The following BLTP1 variants were observed in gnomAD, a reference collection of about 807,000 sequenced individuals.
BLTP1 encodes the protein bridge-like lipid transfer protein family member 1.
the BLTP1 span, chr4:122,254,017 A>G: frequency 5.9e-6 from 1 of 169,426 alleles, no homozygotes; most frequent in African/African-American, 2.4e-5. Flanking sequence ...TGCTGAAGGA[A>G]AAACACTTTT....
the BLTP1 span, chr4:122,184,814 T>C: frequency 2.0e-6 from 2 of 985,276 alleles, no homozygotes; most frequent in Non-Finnish European, 2.4e-6. Flanking sequence ...TCTCAGAATA[T>C]TGTATGACAA....
chr4:122,255,061 C>T, the BLTP1 span: 1 of 1,515,042 alleles, frequency 6.6e-7, no homozygotes, highest in Non-Finnish European at 9.0e-7. Context: ...TTCTTAATTA[C>T]TGAATGTCTT....
the BLTP1 span, chr4:122,293,240 A>G: frequency 1.1e-6 from 1 of 910,232 alleles, no homozygotes; most frequent in Non-Finnish European, 1.3e-6. Flanking sequence ...ACACAAAAGT[A>G]GGACGGTAGA....
At chr4:122,219,062 A>G in the BLTP1 span, 670 of 782,832 alleles carry the variant, frequency 8.6e-4, no homozygotes, top group Non-Finnish European at 9.9e-4. Flanking sequence ...TGAGGACCTA[A>G]ATTACAAGGT....
the BLTP1 span, chr4:122,339,468 A>G: frequency 1.7e-6 from 2 of 1,164,666 alleles, no homozygotes; most frequent in Non-Finnish European, 2.4e-6. Context: ...TTAAATCAAT[A>G]TTTTAATAGT....
chr4:122,209,215 T>C, the BLTP1 span: 1 of 1,613,520 alleles, frequency 6.2e-7, no homozygotes, highest in East Asian at 2.2e-5. Context: ...GTAAATATTC[T>C]TTATTTATGC....
the BLTP1 span, chr4:122,209,387 G>C: frequency 6.3e-7 from 1 of 1,584,268 alleles, no homozygotes; most frequent in Non-Finnish European, 8.6e-7. Flanking sequence ...GCTCACGCCT[G>C]TAATCCCAGC....
At chr4:122,207,767 C>A in the BLTP1 span, 1 of 1,018,284 alleles carries the variant, frequency 9.8e-7, no homozygotes, top group Non-Finnish European at 1.3e-6. Context: ...CCTCCAATGT[C>A]TACTACCTTT....
the BLTP1 span, chr4:122,186,292 A>T: frequency 7.7e-7 from 1 of 1,306,312 alleles, no homozygotes; most frequent in African/African-American, 1.5e-5. Flanking sequence ...AATATCATTG[A>T]GGCTATGCAC....
the BLTP1 span, chr4:122,316,354 G>A: frequency 2.1e-6 from 1 of 471,834 alleles, no homozygotes; most frequent in Non-Finnish European, 4.4e-6. Flanking sequence ...TTAGAGTTCA[G>A]ATGGAAGTTC....
chr4:122,232,842 G>A, the BLTP1 span, among the ~76,000 whole-genome samples: 2 of 152,162 alleles, frequency 1.3e-5, no homozygotes, highest in African/African-American at 4.8e-5. Context: ...TACCCAGCAG[G>A]AACATACAGG....
the BLTP1 span, chr4:122,292,540 C>G: frequency 1.2e-6 from 1 of 832,402 alleles, no homozygotes; most frequent in Non-Finnish European, 1.4e-6. Flanking sequence ...TACATTTAGA[C>G]TGTCAGAAGA....
At chr4:122,247,954 C>T in the BLTP1 span, 11 of 984,880 alleles carry the variant, frequency 1.1e-5, no homozygotes, top group Non-Finnish European at 1.1e-5. Flanking sequence ...ATTTGCTAAT[C>T]GTATTTGAGA....
chr4:122,331,354 T>C, the BLTP1 span: 1 of 1,611,422 alleles, frequency 6.2e-7, no homozygotes, highest in Non-Finnish European at 8.5e-7. Context: ...AGCAACAGGC[T>C]TTGCTGCTGT....
At chr4:122,254,857 C>G in the BLTP1 span, 1 of 1,613,296 alleles carries the variant, frequency 6.2e-7, no homozygotes, top group East Asian at 2.2e-5. Context: ...ATGGCTTGTT[C>G]CCATTGACCA....
At chr4:122,204,728 C>T in the BLTP1 span, 3 of 506,228 alleles carry the variant, frequency 5.9e-6, no homozygotes, top group Non-Finnish European at 7.6e-6. Flanking sequence ...TGGTTATATC[C>T]GGAGATGATT....
At chr4:122,173,995 G>C in the BLTP1 span, among the ~76,000 whole-genome samples, 1 of 152,040 alleles carries the variant, frequency 6.6e-6, no homozygotes, top group Admixed American at 6.6e-5. Flanking sequence ...TTTATGGCCT[G>C]CTTTATTAAT....
chr4:122,175,893 A>G, the BLTP1 span: 1 of 1,535,726 alleles, frequency 6.5e-7, no homozygotes, highest in African/African-American at 1.4e-5. Flanking sequence ...GAAAATGTAT[A>G]ACCCAAAACA....
At chr4:122,198,001 A>G in the BLTP1 span, 6 of 984,572 alleles carry the variant, frequency 6.1e-6, no homozygotes, top group Non-Finnish European at 7.2e-6. Context: ...AAAATCAATC[A>G]TCATTAGTGT....
Sources: allele counts gnomAD v4.1 joint callset (sites outside exome capture counted in the v4.1 genomes callset), GRCh38; gene constraint gnomAD v4.1.1; transcripts MANE v1.5; gene names NCBI Gene and HGNC (gene_info 2026-07-23, HGNC 2026-07-21).